The following NHSL3 variants were observed in gnomAD, a reference collection of about 807,000 sequenced individuals.
NHSL3 encodes the protein NHS like 3, also known as NHS-like protein 3.
the NHSL3 span, chr1:32,771,358 C>A: frequency 6.3e-7 from 1 of 1,592,132 alleles, no homozygotes; most frequent in South Asian, 1.1e-5. Flanking sequence ...CTCCAAAGAC[C>A]AGTCACCCCC....
chr1:32,754,183 A>G, the NHSL3 span: 1 of 695,680 alleles, frequency 1.4e-6, no homozygotes, highest in Admixed American at 2.0e-5. Context: ...GCCGGCAGGT[A>G]GGGGCCGGGG....
chr1:32,771,738 C>T, the NHSL3 span: 1 of 1,613,786 alleles, frequency 6.2e-7, no homozygotes, highest in Non-Finnish European at 8.5e-7. Context: ...GGCATGTGGC[C>T]AAGCTCCCTC....
At chr1:32,757,682 G>A in the NHSL3 span, among the ~76,000 whole-genome samples, 1 of 152,160 alleles carries the variant, frequency 6.6e-6, no homozygotes, top group Admixed American at 6.5e-5. Flanking sequence ...AGTCCCACAA[G>A]CCACAGGCTA....
At chr1:32,772,510 A>T in the NHSL3 span, 1 of 1,496,084 alleles carries the variant, frequency 6.7e-7, no homozygotes, top group East Asian at 2.3e-5. Context: ...AAGTCCCGCC[A>T]TGGGGGATTT....
the NHSL3 span, chr1:32,754,070 C>A: frequency 1.5e-6 from 1 of 655,634 alleles, no homozygotes. Flanking sequence ...TGGGTTCCCG[C>A]GCCGGCTCCC....
At chr1:32,770,021 A>G in the NHSL3 span, 1 of 1,595,282 alleles carries the variant, frequency 6.3e-7, no homozygotes, top group Non-Finnish European at 8.5e-7. The surrounding 1 kb of genome is among the most constrained non-coding windows in gnomAD (Gnocchi z 8.3). Flanking sequence ...CTGGAGGCGG[A>G]GGCGGAGGCT....
the NHSL3 span, among the ~76,000 whole-genome samples, chr1:32,748,753 C>A: frequency 3.9e-5 from 6 of 152,102 alleles, no homozygotes; most frequent in Admixed American, 3.9e-4. Context: ...GGGCGGAGTT[C>A]CCTCTGCTAT....
chr1:32,766,774 G>A, the NHSL3 span, among the ~76,000 whole-genome samples: 2 of 152,144 alleles, frequency 1.3e-5, no homozygotes, highest in Non-Finnish European at 2.9e-5. Flanking sequence ...TCATTTAAAG[G>A]GGGGGCTGGG....
the NHSL3 span, among the ~76,000 whole-genome samples, chr1:32,753,529 G>A: frequency 6.6e-6 from 1 of 152,146 alleles, no homozygotes; most frequent in African/African-American, 2.4e-5. Context: ...TTACACAATT[G>A]TGGATAAAAT....
chr1:32,749,066 G>T, the NHSL3 span, among the ~76,000 whole-genome samples: 1 of 152,158 alleles, frequency 6.6e-6, no homozygotes, highest in African/African-American at 2.4e-5. Context: ...GTGTATAGGG[G>T]GGAAAATACG....
chr1:32,762,604 G>T, the NHSL3 span, among the ~76,000 whole-genome samples: 2 of 147,616 alleles, frequency 1.4e-5, no homozygotes, highest in Non-Finnish European at 1.5e-5. Context: ...TTTTTTTTTT[G>T]AGACGGAATT....
At chr1:32,752,946 C>G in the NHSL3 span, among the ~76,000 whole-genome samples, 1 of 24,126 alleles carries the variant, frequency 4.1e-5, no homozygotes, top group Non-Finnish European at 8.1e-5. Flanking sequence ...CACACACACA[C>G]ACACATATAT....
chr1:32,765,601 G>C, the NHSL3 span: 1 of 1,502,744 alleles, frequency 6.7e-7, no homozygotes, highest in Middle Eastern at 2.3e-4. Flanking sequence ...AAGGTGGGAG[G>C]AGGACATGGA....
chr1:32,769,258 A>C, the NHSL3 span, among the ~76,000 whole-genome samples: 4 of 152,070 alleles, frequency 2.6e-5, no homozygotes, highest in African/African-American at 9.7e-5. Flanking sequence ...CATCTCAAAA[A>C]AAAAATAAAA....
chr1:32,749,757 T>C, the NHSL3 span, among the ~76,000 whole-genome samples: 1 of 152,112 alleles, frequency 6.6e-6, no homozygotes, highest in East Asian at 1.9e-4. Context: ...CAGCTCTCTC[T>C]CCCTCACCCT....
chr1:32,743,744 C>T, the NHSL3 span, among the ~76,000 whole-genome samples: 1 of 152,182 alleles, frequency 6.6e-6, no homozygotes, highest in Non-Finnish European at 1.5e-5. Context: ...GCTCCAACAG[C>T]CTGGGTTTGG....
the NHSL3 span, chr1:32,767,673 A>C: frequency 1.2e-6 from 1 of 836,470 alleles, no homozygotes; most frequent in Non-Finnish European, 1.9e-6. Context: ...CATTGCTTGT[A>C]TATGCAATGG....
chr1:32,765,801 C>T, the NHSL3 span: 4 of 1,547,626 alleles, frequency 2.6e-6, no homozygotes, highest in Admixed American at 2.0e-5. Flanking sequence ...CGCCTCCCGG[C>T]GCTCCTAGGG....
the NHSL3 span, chr1:32,770,662 A>T: frequency 6.6e-7 from 1 of 1,524,950 alleles, no homozygotes. This position sits in a 1 kb window ranked among gnomAD's most constrained non-coding sequence, Gnocchi z 8.3. Context: ...GCGTAAGCTG[A>T]AGCGGCCTCC....
Sources: gnomAD v4.1 joint callset for allele counts (sites outside exome capture counted in the v4.1 genomes callset) on GRCh38, gnomAD v4.1.1 for gene constraint, Gnocchi (gnomAD v3.1) non-coding constraint, MANE v1.5 for transcripts, NCBI Gene and HGNC (gene_info 2026-07-23, HGNC 2026-07-21) for gene names.